TWIST2: variants seen among roughly 807,000 people sequenced by gnomAD.
TWIST2 encodes the protein twist family bHLH transcription factor 2, also known as twist-related protein 2.
TWIST2 carries 1 observed loss-of-function variant against 11.6 expected under a neutral mutation model. The observed-to-expected ratio is 0.09, with a 90% CI of 0.03 to 0.41. The LOEUF (loss-of-function observed/expected upper bound fraction) is 0.41, where lower values mean the gene tolerates loss of function less well. TWIST2 is among the 10% of genes least tolerant of loss of function. The pLI is 0.98. For synonymous variants in TWIST2, 87 were observed against 96.6 expected (o/e 0.90, Z 0.58); for missense variants, 168 against 226.4 (o/e 0.74, Z 1.66).
chr2:238,903,437 TGTG>T (rs1345959271), intron 1 of TWIST2, among the ~76,000 whole-genome samples: 11 of 140,532 alleles, frequency 7.8e-5, no homozygotes, highest in South Asian at 7.1e-4. Flanking sequence ...ATGTGTGTGA[TGTG>T]GGGTGTGGGT....
In TWIST2 at chr2:238,908,273, CA is replaced by C. The variant is rs1373895185; in HGVS notation, c.*36-1568del. 2.7e-5 allele frequency among the ~76,000 whole-genome samples: 4 copies of C among 148,688 alleles called. No homozygotes were observed. In the East Asian group the frequency reaches 8.3e-4, roughly 31 times the overall value. ...CACACCACATACACCATGCACCATA[CA>C]TACCACACACTACACACACACTTCA... On this transcript the variant is annotated intron_variant, in intron 1 of 1. Coordinates refer to ENST00000612363, the MANE Select transcript of TWIST2 (RefSeq NM_001271893.4).
At chr2:238,869,781 A>G (rs952736542) in intron 1 of TWIST2, among the ~76,000 whole-genome samples, 3 of 152,146 alleles carry the variant, frequency 2.0e-5, no homozygotes, top group African/African-American at 7.2e-5. Context: ...CCATCTGTAC[A>G]AAAATGAAAA....
intron 1 of TWIST2, among the ~76,000 whole-genome samples, chr2:238,908,000 A>G (rs1693384565): frequency 6.6e-6 from 1 of 150,834 alleles, no homozygotes; most frequent in Non-Finnish European, 1.5e-5. Context: ...GTACATACGC[A>G]CCACATACAC....
intron 1 of TWIST2, among the ~76,000 whole-genome samples, chr2:238,884,077 G>A (rs1692988420): frequency 6.6e-6 from 1 of 152,184 alleles, no homozygotes; most frequent in Admixed American, 6.5e-5. Flanking sequence ...TCGGAAATCT[G>A]TCCTCAAAGT....
At chr2:238,877,454 G>A (rs1481878049) in intron 1 of TWIST2, among the ~76,000 whole-genome samples, 1 of 152,040 alleles carries the variant, frequency 6.6e-6, no homozygotes, top group East Asian at 1.9e-4. Context: ...AAAATCTTTA[G>A]AACAAATGAA....
At chr2:238,898,825 C>T (rs1416432055) in intron 1 of TWIST2, among the ~76,000 whole-genome samples, 3 of 152,266 alleles carry the variant, frequency 2.0e-5, no homozygotes, top group East Asian at 1.9e-4. Flanking sequence ...GGTCCCGGCC[C>T]TTGCATCTTG....
At chr2:238,895,747 G>C (rs1268829526) in intron 1 of TWIST2, among the ~76,000 whole-genome samples, 1 of 152,186 alleles carries the variant, frequency 6.6e-6, no homozygotes. Flanking sequence ...GGTAGAGCCC[G>C]CCCTGGAGAG....
chr2:238,907,951 C>A (rs1693382436), intron 1 of TWIST2, among the ~76,000 whole-genome samples: 1 of 149,134 alleles, frequency 6.7e-6, no homozygotes, highest in Non-Finnish European at 1.5e-5. Context: ...CATCACATGG[C>A]ACACAAACAT....
At chr2:238,881,400 A>C (rs62647540) in intron 1 of TWIST2, among the ~76,000 whole-genome samples, 1 of 149,064 alleles carries the variant, frequency 6.7e-6, no homozygotes, top group Non-Finnish European at 1.5e-5. Context: ...ACTATTTATT[A>C]GTGTCAGTGT....
intron 1 of TWIST2, among the ~76,000 whole-genome samples, chr2:238,853,448 G>GGAGAGAGAGAGAGAGAGAGAGAGAGA (rs375821278): frequency 1.5e-5 from 2 of 130,634 alleles, no homozygotes; most frequent in African/African-American, 2.9e-5. Context: ...AGGGAGAGAT[G>GGAGAGAGAGAGAGAGAGAGAGAGAGA]GAGAGAGAGA....
chr2:238,849,733 C>G (rs1342639303), intron 1 of TWIST2, among the ~76,000 whole-genome samples: 1 of 152,194 alleles, frequency 6.6e-6, no homozygotes, highest in African/African-American at 2.4e-5. Flanking sequence ...TTAGGGCGTC[C>G]TGCACCGGGT....
At chr2:238,882,066 CTG>C (rs1553570301) in intron 1 of TWIST2, among the ~76,000 whole-genome samples, 1 of 152,056 alleles carries the variant, frequency 6.6e-6, no homozygotes, top group Admixed American at 6.6e-5. Context: ...CTCTCTCTCT[CTG>C]TCTGTGTCTC....
At chr2:238,894,032 C>T (rs969822356) in intron 1 of TWIST2, among the ~76,000 whole-genome samples, 1 of 152,198 alleles carries the variant, frequency 6.6e-6, no homozygotes, top group Non-Finnish European at 1.5e-5. Context: ...TCCTCCAGTT[C>T]TGCCATGGAT....
intron 1 of TWIST2, among the ~76,000 whole-genome samples, chr2:238,896,430 C>A (rs942440407): frequency 6.6e-6 from 1 of 152,154 alleles, no homozygotes; most frequent in Non-Finnish European, 1.5e-5. Context: ...CTCTGGAGGC[C>A]GCCTGGCCGA....
intron 1 of TWIST2, among the ~76,000 whole-genome samples, chr2:238,901,212 A>G (rs1158027686): frequency 6.6e-6 from 1 of 152,012 alleles, no homozygotes; most frequent in Non-Finnish European, 1.5e-5. Flanking sequence ...CCTGACCTCA[A>G]GTGAACCACC....
rs1239509589 is a variant in TWIST2, at chr2:238,870,634, C to A, written c.*35+21901C>A. 3.1e-4 allele frequency among the ~76,000 whole-genome samples: 24 copies of A among 76,468 alleles called. 1 individual carries two copies. Among genetic ancestry groups the A allele is most frequent in the Admixed American group, 4.6e-4 (4 of 8,730 alleles). The allele number at this position is 76,468 out of a possible 152,430, so 50.2% of individuals were successfully genotyped here. On this transcript the variant is annotated intron_variant, in intron 1 of 1. Transcript: ENST00000612363. ...CACATACCACACACAAACCACACCCCCCCACACACACAGCACACACCACAC... is the reference window on the plus strand; with the variant it reads ...CACATACCACACACAAACCACACCCACCCACACACACAGCACACACCACAC...
intron 1 of TWIST2, among the ~76,000 whole-genome samples, chr2:238,870,562 C>T (rs1344550013): frequency 9.4e-6 from 1 of 106,682 alleles, no homozygotes; most frequent in African/African-American, 4.0e-5. Flanking sequence ...CCACACACAC[C>T]ACACACCACA....
chr2:238,899,836 A>G (rs1434854128), intron 1 of TWIST2, among the ~76,000 whole-genome samples: 1 of 152,230 alleles, frequency 6.6e-6, no homozygotes, highest in Non-Finnish European at 1.5e-5. Flanking sequence ...ACAGGTGTCC[A>G]AACCGTGTCA....
chr2:238,880,020 T>A (rs36153069), intron 1 of TWIST2, among the ~76,000 whole-genome samples: 22,055 of 152,292 alleles, frequency 0.14, 2,166 homozygotes, highest in Middle Eastern at 0.22. Flanking sequence ...GGCTCTGGGC[T>A]GCCAACATTG....
Sources: allele counts gnomAD v4.1 joint callset (sites outside exome capture counted in the v4.1 genomes callset), GRCh38; gene constraint gnomAD v4.1.1; transcripts MANE v1.5; gene names NCBI Gene and HGNC (gene_info 2026-07-23, HGNC 2026-07-21).